Variants in PRIM2 observed in about 807,000 individuals in gnomAD.
The protein encoded by PRIM2 is DNA primase subunit 2, also known as DNA primase large subunit.
PRIM2 carries 39 observed loss-of-function variants against 67.3 expected under a neutral mutation model. That is an observed-to-expected ratio of 0.58 (90% confidence interval 0.45 to 0.76). The LOEUF (loss-of-function observed/expected upper bound fraction) is 0.76. Ranked by LOEUF, PRIM2 falls within the 30% of genes least tolerant of loss-of-function variation. The pLI, the probability that PRIM2 is intolerant of heterozygous loss-of-function variation, is 0.00. For synonymous variants in PRIM2, 143 were observed against 198.7 expected, an observed-to-expected ratio of 0.72 and a Z score of 2.36; for missense variants, 398 against 598.7, an observed-to-expected ratio of 0.66 and a Z score of 3.50.
At chr6:57,510,195 T>C (rs1177105694) in intron 8 of PRIM2, among the ~76,000 whole-genome samples, 1 of 152,210 alleles carries the variant, frequency 6.6e-6, no homozygotes, top group Non-Finnish European at 1.5e-5. Context: ...GATGTTCATA[T>C]TTGTATTTTC....
At chr6:57,355,764 G>A (rs1769011763) in intron 5 of PRIM2, among the ~76,000 whole-genome samples, 2 of 152,064 alleles carry the variant, frequency 1.3e-5, no homozygotes, top group Non-Finnish European at 2.9e-5. Flanking sequence ...AGCCTCTTGA[G>A]TAGCTGGGAC....
chr6:57,443,020 A>G (rs1039589161), intron 7 of PRIM2, among the ~76,000 whole-genome samples: 9 of 152,066 alleles, frequency 5.9e-5, no homozygotes, highest in Non-Finnish European at 1.3e-4. Context: ...AGAACAGATG[A>G]CTTTTTTTCA....
intron 7 of PRIM2, among the ~76,000 whole-genome samples, chr6:57,446,726 T>G (rs1182836751): frequency 6.6e-6 from 1 of 152,148 alleles, no homozygotes; most frequent in Non-Finnish European, 1.5e-5. Context: ...GGTCCCTGTG[T>G]AAGGATTGGG....
upstream of PRIM2, among the ~76,000 whole-genome samples, chr6:57,315,525 T>G (rs905088740): frequency 1.2e-4 from 18 of 152,176 alleles, no homozygotes; most frequent in African/African-American, 4.3e-4. Context: ...ATAAAATCCT[T>G]GACAATTTTG....
chr6:57,628,063 A>G (rs1365495259), intron 12 of PRIM2, among the ~76,000 whole-genome samples: 2 of 152,256 alleles, frequency 1.3e-5, no homozygotes, highest in Non-Finnish European at 1.5e-5. Context: ...ATGGAACATG[A>G]AAACTGGAGA....
At chr6:57,645,831 G>A (rs1562810038) in intron 13 of PRIM2, 97 bp from the exon 14 acceptor site, 13 of 647,650 alleles carry the variant, frequency 2.0e-5, no homozygotes, top group South Asian at 2.0e-4. Context: ...CATGTTTCAG[G>A]TATTAAGTTT....
At chr6:57,550,991 G>A (rs1372881226) in intron 10 of PRIM2, among the ~76,000 whole-genome samples, 29 of 152,262 alleles carry the variant, frequency 1.9e-4, no homozygotes, top group African/African-American at 7.0e-4. Flanking sequence ...TTAACAACCT[G>A]TTGTGTGTTT....
chr6:57,296,310 G>T, the PRIM2 span, among the ~76,000 whole-genome samples: 6 of 152,010 alleles, frequency 3.9e-5, no homozygotes, highest in African/African-American at 1.2e-4. Flanking sequence ...GGTATGAAAT[G>T]GCAATTCTGC....
intron 10 of PRIM2, among the ~76,000 whole-genome samples, chr6:57,542,416 C>T (rs1182648666): frequency 5.3e-5 from 8 of 150,770 alleles, no homozygotes; most frequent in African/African-American, 9.8e-5. Context: ...TGGACACTTA[C>T]CCTGAGTACT....
chr6:57,503,207 ATTC>A (rs1774176881), intron 7 of PRIM2, among the ~76,000 whole-genome samples: 1 of 152,198 alleles, frequency 6.6e-6, no homozygotes, highest in Non-Finnish European at 1.5e-5. Context: ...CAGAGCCTAT[ATTC>A]TTGTGATGAG....
At chr6:57,455,929 G>T (rs1477973305) in intron 7 of PRIM2, among the ~76,000 whole-genome samples, 3 of 152,284 alleles carry the variant, frequency 2.0e-5, no homozygotes, top group African/African-American at 7.2e-5. Flanking sequence ...GGTACTGGTT[G>T]TTCCTTTCCA....
the PRIM2 span, among the ~76,000 whole-genome samples, chr6:57,269,075 A>G: frequency 6.6e-6 from 1 of 152,082 alleles, no homozygotes. Context: ...GCTATTGTGA[A>G]TAGTGCTGCA....
chr6:57,352,721 G>A (rs1055147756), intron 5 of PRIM2, among the ~76,000 whole-genome samples: 5 of 123,048 alleles, frequency 4.1e-5, no homozygotes, highest in Admixed American at 8.4e-5. Flanking sequence ...ATCTGGCACC[G>A]TTTTTTAGTT....
At chr6:57,310,199 A>C (rs1767353898), upstream of PRIM2, among the ~76,000 whole-genome samples, 1 of 152,264 alleles carries the variant, frequency 6.6e-6, no homozygotes, top group Non-Finnish European at 1.5e-5. Flanking sequence ...AAAAATGCTC[A>C]TCATCACTGG....
intron 7 of PRIM2, among the ~76,000 whole-genome samples, chr6:57,472,982 G>A (rs1773375309): frequency 6.6e-6 from 1 of 152,230 alleles, no homozygotes; most frequent in East Asian, 1.9e-4. Context: ...GTTGCATGTG[G>A]TGCATCCCAC....
the PRIM2 span, among the ~76,000 whole-genome samples, chr6:57,299,394 AT>A: frequency 6.6e-6 from 1 of 152,190 alleles, no homozygotes. Context: ...CCAACCTTGC[AT>A]TGTGTTACAT....
intron 5 of PRIM2, among the ~76,000 whole-genome samples, chr6:57,350,964 A>G (rs1034510710): frequency 3.3e-5 from 5 of 151,322 alleles, no homozygotes; most frequent in Non-Finnish European, 7.4e-5. Context: ...AGAGTGGAAG[A>G]TGAGACTAGC....
chr6:57,625,280 C>T (rs1776929296), intron 12 of PRIM2, among the ~76,000 whole-genome samples: 1 of 152,050 alleles, frequency 6.6e-6, no homozygotes, highest in Non-Finnish European at 1.5e-5. Flanking sequence ...GAACCCTAGT[C>T]CTGAGAGATC....
At chr6:57,421,645 A>G (rs1771470206) in intron 7 of PRIM2, among the ~76,000 whole-genome samples, 5 of 152,140 alleles carry the variant, frequency 3.3e-5, no homozygotes, top group Admixed American at 3.3e-4. Flanking sequence ...TTGCCAGACT[A>G]TTCAGTGATA....
Sources: allele counts gnomAD v4.1 joint callset (sites outside exome capture counted in the v4.1 genomes callset), GRCh38; gene constraint gnomAD v4.1.1; transcripts MANE v1.5; gene names NCBI Gene and HGNC (gene_info 2026-07-23, HGNC 2026-07-21).